Variants in STK32B observed in about 807,000 individuals in gnomAD.
STK32B encodes the protein serine/threonine kinase 32B.
STK32B carries 43 observed loss-of-function variants against 52.6 expected under a neutral mutation model. That is an observed-to-expected ratio of 0.82 (90% CI 0.64 to 1.05). STK32B has a LOEUF of 1.05. Ranked by LOEUF, STK32B falls within the 50% of genes least tolerant of loss-of-function variation. The pLI is 0.00. For missense variants in STK32B, 621 were observed against 534.6 expected (o/e 1.16, Z -1.59); for synonymous variants, 238 against 204.3 (o/e 1.17, Z -1.41).
At chr4:5,440,282 A>G (rs1714592349) in intron 6 of STK32B, among the ~76,000 whole-genome samples, 1 of 152,118 alleles carries the variant, frequency 6.6e-6, no homozygotes, top group Non-Finnish European at 1.5e-5. Flanking sequence ...TATTTCCTTG[A>G]GCAGTGGCTT....
At chr4:5,332,196 A>G (rs964536753) in intron 4 of STK32B, among the ~76,000 whole-genome samples, 2 of 152,248 alleles carry the variant, frequency 1.3e-5, no homozygotes, top group Non-Finnish European at 2.9e-5. Context: ...ACTCCATTAA[A>G]TGACAGTAAG....
chr4:5,226,835 T>G (rs56678626), intron 3 of STK32B, among the ~76,000 whole-genome samples: 3,298 of 152,290 alleles, frequency 0.022, 105 homozygotes, highest in African/African-American at 0.07. Context: ...TTTGGTAATA[T>G]CTGCAGTTTC....
At position 5,445,146 on chromosome 4, in the gene STK32B, G is replaced by C. The variant is rs570398637; in HGVS notation, c.563-1527G>C. Among the ~76,000 whole-genome samples, 3 of 152,324 alleles carry C rather than the reference G, an allele frequency of 2.0e-5. No homozygotes were observed. In the South Asian group the frequency reaches 6.2e-4, roughly 32 times the overall value. On this transcript the variant is annotated intron_variant, in intron 6 of 11. Coordinates refer to ENST00000282908, the MANE Select transcript of STK32B (RefSeq NM_018401.3). ...ATGTCCCCGGAGGCTGTTGTGAAGAGGAAAGGAGAGCCCGTGGGTGAAAGT... is the reference window on the plus strand; with the variant it reads ...ATGTCCCCGGAGGCTGTTGTGAAGACGAAAGGAGAGCCCGTGGGTGAAAGT...
chr4:5,166,060 G>C (rs1718847056), intron 2 of STK32B, among the ~76,000 whole-genome samples: 1 of 152,174 alleles, frequency 6.6e-6, no homozygotes, highest in African/African-American at 2.4e-5. Context: ...TCGGAAATCA[G>C]GCTTCTGCCA....
At chr4:5,385,100 GC>G (rs947632167) in intron 4 of STK32B, among the ~76,000 whole-genome samples, 3 of 152,222 alleles carry the variant, frequency 2.0e-5, no homozygotes, top group Admixed American at 1.3e-4. Flanking sequence ...TGACGTGATG[GC>G]CCCAGCTCTA....
At chr4:5,160,936 T>C (rs757251663) in intron 2 of STK32B, among the ~76,000 whole-genome samples, 5 of 152,094 alleles carry the variant, frequency 3.3e-5, no homozygotes, top group Non-Finnish European at 7.4e-5. Context: ...GCCCAAGACC[T>C]GTGGATGCCT....
At chr4:5,360,137 A>G (rs1734451232) in intron 4 of STK32B, among the ~76,000 whole-genome samples, 1 of 152,132 alleles carries the variant, frequency 6.6e-6, no homozygotes, top group Non-Finnish European at 1.5e-5. Context: ...AACCCGCCGT[A>G]TACCTCTTTT....
At chr4:5,119,887 C>T (rs1714932700) in intron 1 of STK32B, among the ~76,000 whole-genome samples, 1 of 152,202 alleles carries the variant, frequency 6.6e-6, no homozygotes, top group Non-Finnish European at 1.5e-5. Context: ...TTTCTACATG[C>T]ATTTATTTCA....
chr4:5,104,196 G>A (rs530094094), intron 1 of STK32B, among the ~76,000 whole-genome samples: 21 of 152,250 alleles, frequency 1.4e-4, no homozygotes, highest in Non-Finnish European at 2.8e-4. Context: ...CGTGGGGGTG[G>A]TTTCCCCCAT....
At chr4:5,183,888 A>G (rs188718142) in intron 3 of STK32B, among the ~76,000 whole-genome samples, 104 of 152,236 alleles carry the variant, frequency 6.8e-4, no homozygotes, top group Non-Finnish European at 1.2e-3. Flanking sequence ...TTCAGCCTTC[A>G]TAAAATTGAA....
chr4:5,085,210 C>T (rs534859467), intron 1 of STK32B, among the ~76,000 whole-genome samples: 128 of 152,118 alleles, frequency 8.4e-4, no homozygotes, highest in Non-Finnish European at 1.6e-3. Flanking sequence ...TCTATGCTTC[C>T]GTTTCTTTGT....
chr4:5,236,387 T>G (rs1006226100), intron 3 of STK32B, among the ~76,000 whole-genome samples: 2 of 152,134 alleles, frequency 1.3e-5, no homozygotes, highest in African/African-American at 2.4e-5. Flanking sequence ...AAAGTGCACT[T>G]ATGATAAGTG....
intron 4 of STK32B, among the ~76,000 whole-genome samples, chr4:5,393,406 A>G (rs888101933): frequency 6.6e-6 from 1 of 152,220 alleles, no homozygotes; most frequent in Non-Finnish European, 1.5e-5. Context: ...GTCTTAGTCC[A>G]TTCTCATGTT....
intron 3 of STK32B, among the ~76,000 whole-genome samples, chr4:5,286,265 A>AC (rs1728534957): frequency 6.6e-6 from 1 of 152,202 alleles, no homozygotes; most frequent in African/African-American, 2.4e-5. Context: ...GAGCCACAAA[A>AC]CTAGACTTCT....
At chr4:5,300,136 A>G (rs865790008) in intron 3 of STK32B, among the ~76,000 whole-genome samples, 1 of 152,168 alleles carries the variant, frequency 6.6e-6, no homozygotes. Flanking sequence ...TGATATGCAA[A>G]TCAATAAATG....
At chr4:5,403,759 A>G (rs1050629063) in intron 5 of STK32B, among the ~76,000 whole-genome samples, 7 of 152,130 alleles carry the variant, frequency 4.6e-5, no homozygotes, top group Non-Finnish European at 8.8e-5. Context: ...CAGGAGGAAG[A>G]GACTCCAGGA....
chr4:5,474,543 C>G (rs1051681115), intron 11 of STK32B, among the ~76,000 whole-genome samples: 1 of 152,154 alleles, frequency 6.6e-6, no homozygotes, highest in Admixed American at 6.5e-5. Context: ...TGGAGAAAAC[C>G]CTTTGCACTT....
chr4:5,158,591 C>T (rs779646738), intron 2 of STK32B, among the ~76,000 whole-genome samples: 6 of 152,148 alleles, frequency 3.9e-5, no homozygotes, highest in Admixed American at 6.5e-5. Flanking sequence ...TTAGTCTGCT[C>T]GAGCTGCCAC....
chr4:5,204,458 T>TTTTG (rs1553850288), intron 3 of STK32B, among the ~76,000 whole-genome samples: 4 of 146,756 alleles, frequency 2.7e-5, no homozygotes, highest in East Asian at 2.0e-4. Context: ...TTTTTAGGTT[T>TTTTG]TTTTGTTTTG....
Sources: gnomAD v4.1 joint callset for allele counts (sites outside exome capture counted in the v4.1 genomes callset) on GRCh38, gnomAD v4.1.1 for gene constraint, MANE v1.5 for transcripts, NCBI Gene and HGNC (gene_info 2026-07-23, HGNC 2026-07-21) for gene names.